The following TAFA1 variants were observed in gnomAD, a reference collection of about 807,000 sequenced individuals.
TAFA1 encodes the protein TAFA chemokine like family member 1.
TAFA1 carries 4 observed loss-of-function variants against 18.5 expected under a neutral mutation model. The observed-to-expected ratio is 0.22, with a 90% confidence interval of 0.11 to 0.49. The LOEUF is 0.49. Ranked by LOEUF, TAFA1 falls within the 20% of genes least tolerant of loss-of-function variation. The pLI, the probability that TAFA1 is intolerant of heterozygous loss-of-function variation, is 0.98. For missense variants in TAFA1, 147 were observed against 169.0 expected (o/e 0.87, Z 0.72); for synonymous variants, 56 against 55.2 (o/e 1.01, Z -0.06).
At chr3:68,526,220 TTAATC>T (rs1363275389) in intron 3 of TAFA1, among the ~76,000 whole-genome samples, 2 of 152,334 alleles carry the variant, frequency 1.3e-5, no homozygotes, top group African/African-American at 2.4e-5. Flanking sequence ...GAACTTCCCT[TTAATC>T]TAATCCATTT....
intron 3 of TAFA1, among the ~76,000 whole-genome samples, chr3:68,434,395 C>T (rs1359984456): frequency 6.6e-6 from 1 of 151,990 alleles, no homozygotes; most frequent in Non-Finnish European, 1.5e-5. Context: ...ATTTTCTTGG[C>T]TGCTATTTAC....
intron 2 of TAFA1, among the ~76,000 whole-genome samples, chr3:68,160,173 C>A (rs565261181): frequency 1.3e-5 from 2 of 152,248 alleles, no homozygotes; most frequent in African/African-American, 4.8e-5. Flanking sequence ...AAGTAACTTG[C>A]CAGATAGCTA....
chr3:68,029,351 C>G (rs1018669544), intron 2 of TAFA1, among the ~76,000 whole-genome samples: 2 of 152,150 alleles, frequency 1.3e-5, no homozygotes, highest in Admixed American at 6.6e-5. Flanking sequence ...GTGTTTAACA[C>G]TGACAGCACA....
intron 2 of TAFA1, among the ~76,000 whole-genome samples, chr3:68,048,464 A>T (rs1224253242): frequency 6.6e-6 from 1 of 152,092 alleles, no homozygotes; most frequent in Non-Finnish European, 1.5e-5. Flanking sequence ...TAATCCAATT[A>T]TACCCTTTAA....
chr3:68,385,264 G>A (rs1055171214), intron 2 of TAFA1, among the ~76,000 whole-genome samples: 12 of 152,082 alleles, frequency 7.9e-5, no homozygotes, highest in Admixed American at 6.6e-5. Context: ...CCATAGGTGG[G>A]ATAAATTTTA....
At chr3:68,106,363 A>C (rs745364915) in intron 2 of TAFA1, among the ~76,000 whole-genome samples, 44 of 152,296 alleles carry the variant, frequency 2.9e-4, no homozygotes, top group Non-Finnish European at 4.3e-4. Flanking sequence ...CCACCAGCCA[A>C]AGAGGCTATT....
chr3:68,215,712 A>T (rs756931383), intron 2 of TAFA1, among the ~76,000 whole-genome samples: 3 of 152,088 alleles, frequency 2.0e-5, no homozygotes, highest in Non-Finnish European at 4.4e-5. Context: ...TGTTGATGGA[A>T]ATAAAGAATG....
chr3:68,019,034 G>T (rs1431130112), intron 2 of TAFA1, among the ~76,000 whole-genome samples: 1 of 152,338 alleles, frequency 6.6e-6, no homozygotes, highest in African/African-American at 2.4e-5. Flanking sequence ...CTTAGGTTGT[G>T]TAACAATTCT....
At chr3:68,385,252 T>C (rs2070068711) in intron 2 of TAFA1, among the ~76,000 whole-genome samples, 1 of 152,118 alleles carries the variant, frequency 6.6e-6, no homozygotes, top group East Asian at 1.9e-4. Context: ...TCAAGTTGTT[T>C]CCCATAGGTG....
chr3:68,503,146 G>A (rs1003334833), intron 3 of TAFA1, among the ~76,000 whole-genome samples: 1 of 152,086 alleles, frequency 6.6e-6, no homozygotes, highest in Non-Finnish European at 1.5e-5. Context: ...CAAGTGAGTC[G>A]AAATGCAGAT....
intron 2 of TAFA1, among the ~76,000 whole-genome samples, chr3:68,289,803 A>T (rs1686154261): frequency 6.6e-6 from 1 of 152,170 alleles, no homozygotes; most frequent in African/African-American, 2.4e-5. Flanking sequence ...GAGTAATGGT[A>T]ATGTTATTTA....
At chr3:68,299,362 C>G (rs1353454652) in intron 2 of TAFA1, among the ~76,000 whole-genome samples, 1 of 152,152 alleles carries the variant, frequency 6.6e-6, no homozygotes. Context: ...AGAGAGATGA[C>G]TTAAGGTATC....
intron 2 of TAFA1, among the ~76,000 whole-genome samples, chr3:68,393,672 A>C (rs1315664589): frequency 1.3e-5 from 2 of 152,208 alleles, no homozygotes; most frequent in Non-Finnish European, 2.9e-5. Flanking sequence ...AGCACAATCA[A>C]GTCAGCTTCA....
chr3:68,203,153 G>A (rs924715482), intron 2 of TAFA1, among the ~76,000 whole-genome samples: 1 of 151,664 alleles, frequency 6.6e-6, no homozygotes, highest in African/African-American at 2.4e-5. Context: ...TTTCTGAAGG[G>A]AAGTTGGTAT....
chr3:68,544,599 C>T lies in TAFA1; in HGVS notation c.*96C>T. ...ACATATATACAAGCCAAATGGATTT[C>T]TTACTTGCACTTTGACTGGCTACCA... is the stretch of plus-strand genomic sequence containing the variant. On this transcript the variant is annotated 3_prime_UTR_variant, in exon 5 of 5. Transcript: ENST00000478136. The T allele has an allele frequency of 8.1e-7, 1 of 1,234,576 alleles. No homozygotes were observed. The highest frequency in any genetic ancestry group is 2.4e-5 in the East Asian group (1 of 41,740). 76.5% of individuals were successfully genotyped at this position (1,234,576 alleles called of 1,614,324 possible). A position where few individuals can be genotyped will look rare whatever the true frequency, so the allele number is the denominator to read the frequency against.
At chr3:68,121,967 T>C (rs551185695) in intron 2 of TAFA1, among the ~76,000 whole-genome samples, 83 of 152,266 alleles carry the variant, frequency 5.5e-4, no homozygotes, top group Admixed American at 2.9e-3. Context: ...CTAATGTTTA[T>C]AGAACACTCA....
intron 2 of TAFA1, among the ~76,000 whole-genome samples, chr3:68,285,639 G>A (rs1449669077): frequency 3.3e-5 from 5 of 151,964 alleles, no homozygotes; most frequent in Non-Finnish European, 7.4e-5. Flanking sequence ...ATGAGAAAGG[G>A]GAGTAAGAAG....
At chr3:68,048,234 CAT>C (rs1409348988) in intron 2 of TAFA1, among the ~76,000 whole-genome samples, 2 of 151,938 alleles carry the variant, frequency 1.3e-5, no homozygotes, top group African/African-American at 4.8e-5. Context: ...GGAAAATAGA[CAT>C]ATGTGGGGTT....
At chr3:68,459,523 T>C (rs1426633985) in intron 3 of TAFA1, among the ~76,000 whole-genome samples, 1 of 152,166 alleles carries the variant, frequency 6.6e-6, no homozygotes, top group African/African-American at 2.4e-5. Context: ...CAGACTAAAC[T>C]GTTCATTTTG....
Sources: gnomAD v4.1 joint callset for allele counts (sites outside exome capture counted in the v4.1 genomes callset) on GRCh38, gnomAD v4.1.1 for gene constraint, MANE v1.5 for transcripts, NCBI Gene and HGNC (gene_info 2026-07-23, HGNC 2026-07-21) for gene names.